Variants in SLCO1B3 observed in about 807,000 individuals in gnomAD.
SLCO1B3 encodes the protein liver-specific organic anion transporter 2.
SLCO1B3 carries 72 observed loss-of-function variants against 71.8 expected under a neutral mutation model. The ratio of observed to expected loss-of-function variants is 1.00; its 90% confidence interval spans 0.83 to 1.22. The LOEUF is 1.22. Ranked by LOEUF, SLCO1B3 falls within the 50% of genes most tolerant of loss-of-function variation. The probability of loss-of-function intolerance (pLI) is 0.00; values close to 1 mark genes in which losing one functional copy is unlikely to be tolerated. For missense variants in SLCO1B3, 911 were observed against 819.7 expected (o/e 1.11, Z -1.36); for synonymous variants, 298 against 278.4 (o/e 1.07, Z -0.70).
At chr12:20,853,065 T>C (rs953297050) in intron 3 of SLCO1B3, among the ~76,000 whole-genome samples, 3 of 152,144 alleles carry the variant, frequency 2.0e-5, no homozygotes, top group African/African-American at 7.2e-5. Flanking sequence ...TGTATTATGC[T>C]GATTTAATTT....
intron 13 of SLCO1B3, among the ~76,000 whole-genome samples, chr12:20,887,882 T>C (rs1452676141): frequency 6.6e-6 from 1 of 151,908 alleles, no homozygotes; most frequent in Non-Finnish European, 1.5e-5. Flanking sequence ...TCTTTCATCC[T>C]TTTTCAGTTA....
intron 3 of SLCO1B3, among the ~76,000 whole-genome samples, chr12:20,842,692 T>A (rs73233612): frequency 6.6e-6 from 1 of 152,358 alleles, no homozygotes; most frequent in African/African-American, 2.4e-5. Context: ...GTTTCTACTA[T>A]CTTAGAATAT....
chr12:20,813,725 A>G (rs371958845), intron 2 of SLCO1B3, 87 bp downstream of exon 2: 2 of 152,158 alleles, frequency 1.3e-5, no homozygotes, highest in Admixed American at 6.5e-5. Flanking sequence ...GGTGTCTTTA[A>G]ACAAAAACAT....
chr12:20,880,738 T>C, intron 11 of SLCO1B3, 117 bp from the exon 12 acceptor site: 1 of 601,972 alleles, frequency 1.7e-6, no homozygotes, highest in Non-Finnish European at 2.6e-6. Flanking sequence ...TCTTCTCTTT[T>C]CCTCTTCTCT....
chr12:20,858,483 C>G lies in SLCO1B3; in HGVS notation c.271C>G (p.Leu91Val). 1 of 1,597,672 alleles carries G rather than the reference C, an allele frequency of 6.3e-7. No individual in the cohort carries two copies. Among genetic ancestry groups the G allele is most frequent in the Non-Finnish European group, 8.6e-7 (1 of 1,165,228 alleles). ...ATTTGTAAGTTACTTTGGATCTAAA[C>G]TACACAGACCGAAGTTAATTGGAAT... ...IVFVSYFGSK[L>V]HRPKLIGIGC... The change falls in exon 5 of 16, where the codon CTA becomes GTA. Residue 91 changes from leucine to valine, a missense_variant. Physicochemically the swap from Leu to Val is conservative, Grantham distance 32 (BLOSUM62 1). Coordinates refer to ENST00000381545, the MANE Select transcript of SLCO1B3 (RefSeq NM_019844.4).
chr12:20,904,788 T>C lies in SLCO1B3; in HGVS notation c.1865+3321T>C, dbSNP rs1458563713. The stretch of plus-strand genomic sequence containing the variant: ...TTTTTTTTTTTTTTTTTTTTTTTTT[T>C]CTTGAGACAGTGTCTTGCTCTGATG... On this transcript the variant is annotated intron_variant, in intron 15 of 15. Coordinates refer to ENST00000381545, the MANE Select transcript of SLCO1B3 (RefSeq NM_019844.4). Among the ~76,000 whole-genome samples, 52 of 86,676 alleles carry C rather than the reference T, an allele frequency of 6.0e-4. 1 individual carries two copies. In the South Asian group the frequency reaches 0.02, roughly 33 times the overall value. The allele number at this position is 86,676 out of a possible 152,430, so 56.9% of individuals were successfully genotyped here.
At chr12:20,840,301 G>C (rs1210000745) in intron 3 of SLCO1B3, among the ~76,000 whole-genome samples, 1 of 152,114 alleles carries the variant, frequency 6.6e-6, no homozygotes, top group Non-Finnish European at 1.5e-5. Flanking sequence ...GCACAGTCCG[G>C]AGAAGAGGCA....
intron 8 of SLCO1B3, among the ~76,000 whole-genome samples, chr12:20,867,418 AT>A (rs1865393479): frequency 6.6e-6 from 1 of 151,758 alleles, no homozygotes; most frequent in Non-Finnish European, 1.5e-5. Flanking sequence ...TTATGAAGAG[AT>A]TGTGGATATG....
chr12:20,910,329 A>G (rs1421928865), intron 15 of SLCO1B3, among the ~76,000 whole-genome samples: 1 of 152,144 alleles, frequency 6.6e-6, no homozygotes, highest in East Asian at 1.9e-4. Flanking sequence ...TATTTTACCA[A>G]AGTCACACTG....
chr12:20,817,082 T>G (rs1864207011), intron 3 of SLCO1B3, among the ~76,000 whole-genome samples: 1 of 152,356 alleles, frequency 6.6e-6, no homozygotes, highest in East Asian at 1.9e-4. Context: ...TTTGATCTAC[T>G]TAGACATTCT....
In SLCO1B3 at chr12:20,916,126, G is replaced by A. The variant is rs371725645; in HGVS notation, c.1988G>A (p.Arg663Lys). Residue 663 changes from arginine (R) to lysine (K), a missense_variant, in exon 16 of 16, where the codon AGA (arginine) becomes AAA (lysine). Coordinates refer to ENST00000381545, the MANE Select transcript of SLCO1B3 (RefSeq NM_019844.4). The part of the protein sequence containing the change: ...GKDTKASDNE[R>K]KVMDEANLEF... ...GATACCAAGGCATCGGACAATGAAA[G>A]AAAAGTAATGGATGAAGCAAACTTA... 53 of 1,613,542 alleles carry A rather than the reference G, an allele frequency of 3.3e-5. No individual in the cohort carries two copies. The highest frequency in any genetic ancestry group is 1.3e-4 in the South Asian group (12 of 91,064).
intron 13 of SLCO1B3, among the ~76,000 whole-genome samples, chr12:20,890,505 GTAAAATGTT>G (rs1865883233): frequency 6.6e-6 from 1 of 151,234 alleles, no homozygotes; most frequent in Non-Finnish European, 1.5e-5. Flanking sequence ...AAAATGTTCT[GTAAAATGTT>G]CTGTAAAATG....
At chr12:20,834,297 T>TAA (rs1555152368) in intron 3 of SLCO1B3, among the ~76,000 whole-genome samples, 4 of 145,296 alleles carry the variant, frequency 2.8e-5, no homozygotes, top group Non-Finnish European at 6.0e-5. Context: ...TATATATATA[T>TAA]AATTATATAT....
At chr12:20,886,288 G>A (rs1297710547) in intron 13 of SLCO1B3, among the ~76,000 whole-genome samples, 1 of 152,122 alleles carries the variant, frequency 6.6e-6, no homozygotes. Flanking sequence ...GCCATATGTA[G>A]AAGCCACCAT....
intron 8 of SLCO1B3, among the ~76,000 whole-genome samples, chr12:20,873,794 T>C (rs753355345): frequency 2.6e-5 from 4 of 152,156 alleles, no homozygotes; most frequent in Non-Finnish European, 5.9e-5. Context: ...CAGTGTGTAT[T>C]GTTCCCCTCT....
chr12:20,853,415 GT>G (rs2121216035), intron 3 of SLCO1B3, among the ~76,000 whole-genome samples: 1 of 151,964 alleles, frequency 6.6e-6, no homozygotes, highest in Admixed American at 6.5e-5. Flanking sequence ...CCTAATTATA[GT>G]TCTGTTCAGA....
chr12:20,913,345 A>G (rs1866423899), intron 15 of SLCO1B3, among the ~76,000 whole-genome samples: 2 of 152,228 alleles, frequency 1.3e-5, no homozygotes. Flanking sequence ...TATACAATAC[A>G]TAAATTCACT....
At chr12:20,850,534 G>A (rs1425096675) in intron 3 of SLCO1B3, among the ~76,000 whole-genome samples, 2 of 151,930 alleles carry the variant, frequency 1.3e-5, no homozygotes, top group African/African-American at 2.4e-5. Context: ...CACCCGCCTC[G>A]GCCTCCCAAA....
At chr12:20,869,954 G>A (rs918341266) in intron 8 of SLCO1B3, among the ~76,000 whole-genome samples, 1 of 152,046 alleles carries the variant, frequency 6.6e-6, no homozygotes, top group African/African-American at 2.4e-5. Flanking sequence ...TCTACCAACA[G>A]TGTATAAGTG....
Sources: allele counts gnomAD v4.1 joint callset (sites outside exome capture counted in the v4.1 genomes callset), GRCh38; gene constraint gnomAD v4.1.1; transcripts MANE v1.5; gene names NCBI Gene and HGNC (gene_info 2026-07-23, HGNC 2026-07-21).